The following FBN3 variants were observed in gnomAD, a reference collection of about 807,000 sequenced individuals.
FBN3 encodes the protein fibrillin 3.
Under a neutral mutation model 330.1 loss-of-function variants are expected in FBN3, and 234 were observed. That is an observed-to-expected ratio of 0.71 (90% CI 0.64 to 0.79). FBN3 has a LOEUF of 0.79. FBN3 is among the 30% of genes least tolerant of loss of function. The pLI is 0.00. For missense variants in FBN3, 3,606 were observed against 3,886.9 expected, an observed-to-expected ratio of 0.93 and a Z score of 1.92; for synonymous variants, 1,458 against 1,517.3, an observed-to-expected ratio of 0.96 and a Z score of 0.91.
intron 40 of FBN3, 84 bp from the exon 41 acceptor site, chr19:8,101,056 T>G: frequency 8.8e-7 from 1 of 1,135,464 alleles, no homozygotes; most frequent in African/African-American, 1.6e-5. Context: ...ACCTCATCCC[T>G]GGAGCCCAGC....
Position 8,131,882 on chromosome 19 carries a change from C to T in FBN3, c.1715-53G>A. 2.0e-6 allele frequency: 3 copies of T among 1,467,272 alleles called. No homozygotes were observed. Among genetic ancestry groups the T allele is most frequent in the Non-Finnish European group, 2.7e-6 (3 of 1,107,756 alleles). 90.9% of individuals were successfully genotyped at this position (1,467,272 alleles called of 1,614,324 possible). A position where few individuals can be genotyped will look rare whatever the true frequency, so the allele number is the denominator to read the frequency against. ...GGGTTCCAGCGTGCTCCCTTCCTCT[C>T]TCCCCTCCCCATCTCCCAACATTTC... On this transcript the variant is annotated intron_variant, in intron 14 of 63. Coordinates refer to ENST00000600128, the MANE Select transcript of FBN3 (RefSeq NM_032447.5). The surrounding 1 kb of genome is among the most constrained non-coding windows in gnomAD (Gnocchi z 4.5).
intron 41 of FBN3, among the ~76,000 whole-genome samples, chr19:8,100,072 G>C (rs956895927): frequency 6.6e-6 from 1 of 151,242 alleles, no homozygotes; most frequent in African/African-American, 2.4e-5. Flanking sequence ...TGCACCTTGA[G>C]GACATCATGT....
chr19:8,089,919 G>T lies in FBN3; in HGVS notation c.6225C>A (p.Val2075=), dbSNP rs190952845. Residue 2075 remains valine (V), a synonymous_variant, in exon 50 of 64, where the codon GTC becomes GTA. Transcript: ENST00000600128. ...QELCPFGHGA[V]PGPDDSREDV... ...CTTCTCGGGAGTCATCCGGGCCTGG[G>T]ACTGCCCCGTGGCCAAAGGGGCAGA... 3 of 1,605,816 alleles carry T rather than the reference G, an allele frequency of 1.9e-6. No individual in the cohort carries two copies. In the East Asian group the frequency reaches 6.7e-5, roughly 36 times the overall value.
chr19:8,083,745 C>T (rs935181557), intron 56 of FBN3, among the ~76,000 whole-genome samples: 7 of 152,092 alleles, frequency 4.6e-5, no homozygotes, highest in Middle Eastern at 3.4e-3. Flanking sequence ...CAGGGACTCC[C>T]GAGTCTCCCC....
intron 18 of FBN3, among the ~76,000 whole-genome samples, chr19:8,127,799 A>T (rs2083029202): frequency 6.6e-6 from 1 of 152,170 alleles, no homozygotes; most frequent in South Asian, 2.1e-4. Flanking sequence ...CCTGGCCAAC[A>T]CGATGAAACA....
intron 25 of FBN3, among the ~76,000 whole-genome samples, chr19:8,119,395 C>A (rs1330987409): frequency 6.6e-6 from 1 of 152,236 alleles, no homozygotes; most frequent in African/African-American, 2.4e-5. Flanking sequence ...GGCCTCATCA[C>A]TCTTCAGCCA....
At chr19:8,103,875 G>A (rs568731006) in intron 38 of FBN3, among the ~76,000 whole-genome samples, 188 bp from the exon 39 acceptor site, 28 of 152,306 alleles carry the variant, frequency 1.8e-4, no homozygotes, top group East Asian at 9.6e-4. Context: ...GGTGGCTCAT[G>A]CCTGTAATCT....
chr19:8,090,124 G>A lies in FBN3; in HGVS notation c.6159C>T (p.Cys2053=), dbSNP rs751846121. ...CGCTGCCCTCCTGGGGACACAGTTC[G>A]CAGGGGTCTCCCCAGCCCTCCCCAG... ...KRPGEGWGDP[C]ELCPQEGSAA... is the part of the protein sequence containing the mutation. The change falls in exon 49 of 64, where the codon TGC becomes TGT. Residue 2053 remains cysteine, a synonymous_variant. Coordinates refer to ENST00000600128, the MANE Select transcript of FBN3 (RefSeq NM_032447.5). 9.2e-5 allele frequency: 148 copies of A among 1,613,786 alleles called. No homozygotes were observed. Among genetic ancestry groups the A allele is most frequent in the Non-Finnish European group, 1.2e-4 (145 of 1,179,960 alleles).
chr19:8,087,144 G>T lies in FBN3; in HGVS notation c.6687C>A (p.Ile2229=). ...GGGGACAGACGCACGCGAAGGTACCGATGAGGTTCTTGCACTCCATGCCCC... is the reference window on the plus strand; with the variant it reads ...GGGGACAGACGCACGCGAAGGTACCTATGAGGTTCTTGCACTCCATGCCCC... ...HARGMECKNL[I]GTFACVCPPG... is the part of the protein sequence containing the mutation. Residue 2229 remains isoleucine (I), a synonymous_variant, in exon 54 of 64, where the codon ATC becomes ATA. Coordinates refer to ENST00000600128, the MANE Select transcript of FBN3 (RefSeq NM_032447.5). 2 of 1,610,662 alleles carry T rather than the reference G, an allele frequency of 1.2e-6. No individual in the cohort carries two copies. The highest frequency in any genetic ancestry group is 8.5e-7 in the Non-Finnish European group (1 of 1,179,428).
In FBN3 at chr19:8,145,373, CAAAAAAAAAAAAA is replaced by C. The variant is rs55926242; in HGVS notation, c.446-414_446-402del. 1.4e-3 allele frequency among the ~76,000 whole-genome samples: 118 copies of C among 86,358 alleles called. 3 individuals carry two copies. The highest frequency in any genetic ancestry group is 4.2e-3 in the African/African-American group (76 of 18,082). 56.7% of individuals were successfully genotyped at this position (86,358 alleles called of 152,430 possible). ...TGGGCAACAGAGCAAAACTCCATCT[CAAAAAAAAAAAAA>C]AAAAAAAAAAAGGGCCGGGCACGGT... On this transcript the variant is annotated intron_variant, in intron 5 of 63. Transcript: ENST00000600128.
At chr19:8,085,060 A>G (rs1291849959) in intron 56 of FBN3, among the ~76,000 whole-genome samples, 7 of 152,064 alleles carry the variant, frequency 4.6e-5, no homozygotes, top group Admixed American at 4.6e-4. Flanking sequence ...GGTTGCAGTG[A>G]GCTGAGATTG....
chr19:8,100,410 T>C (rs1393667639), intron 41 of FBN3, among the ~76,000 whole-genome samples: 3 of 152,018 alleles, frequency 2.0e-5, no homozygotes, highest in Non-Finnish European at 2.9e-5. Context: ...AGATATCGGC[T>C]CACTGCAACC....
At chr19:8,119,617 A>C in intron 25 of FBN3, among the ~76,000 whole-genome samples, 1 of 148,710 alleles carries the variant, frequency 6.7e-6, no homozygotes, top group East Asian at 2.0e-4. Context: ...GGGTTCATGC[A>C]ATTCTCCTGC....
At chr19:8,102,373 C>T (rs1342294611) in intron 40 of FBN3, among the ~76,000 whole-genome samples, 1 of 152,068 alleles carries the variant, frequency 6.6e-6, no homozygotes, top group Non-Finnish European at 1.5e-5. Flanking sequence ...CGCCACCACA[C>T]CCAGCTAATT....
intron 25 of FBN3, among the ~76,000 whole-genome samples, chr19:8,120,924 T>C (rs866030987): frequency 1.3e-5 from 2 of 152,198 alleles, no homozygotes; most frequent in Non-Finnish European, 2.9e-5. Context: ...ATCAAATGAA[T>C]AACGAAGTCA....
At chr19:8,135,832 C>T (rs1023685699) in intron 13 of FBN3, 129 bp downstream of exon 13, 48 of 1,018,940 alleles carry the variant, frequency 4.7e-5, no homozygotes, top group Non-Finnish European at 5.9e-5. Context: ...CTGCTGGGTT[C>T]AGAGGTGAGC....
At chr19:8,090,391 G>T in intron 48 of FBN3, 140 bp from the exon 49 acceptor site, 1 of 917,952 alleles carries the variant, frequency 1.1e-6, no homozygotes, top group Non-Finnish European at 1.6e-6. Context: ...CATGCCCCTG[G>T]TCATGGTGAT....
intron 38 of FBN3, among the ~76,000 whole-genome samples, chr19:8,104,164 T>TG (rs1187807938): frequency 1.6e-4 from 4 of 24,868 alleles, no homozygotes; most frequent in Non-Finnish European, 2.3e-4. Flanking sequence ...TGACATTAAG[T>TG]GAAAAAAAAA....
At chr19:8,098,020 T>A (rs1055026705) in intron 41 of FBN3, among the ~76,000 whole-genome samples, 1 of 152,182 alleles carries the variant, frequency 6.6e-6, no homozygotes, top group Non-Finnish European at 1.5e-5. Context: ...AGGCACAGGG[T>A]TTACTTTTGT....
Sources: gnomAD v4.1 joint callset for allele counts (sites outside exome capture counted in the v4.1 genomes callset) on GRCh38, gnomAD v4.1.1 for gene constraint, Gnocchi (gnomAD v3.1) non-coding constraint, MANE v1.5 for transcripts, NCBI Gene and HGNC (gene_info 2026-07-23, HGNC 2026-07-21) for gene names.